DLG2: variants seen among roughly 807,000 people sequenced by gnomAD.
DLG2 encodes the protein disks large homolog 2.
Under a neutral mutation model 132.5 loss-of-function variants are expected in DLG2, and 45 were observed. The ratio of observed to expected loss-of-function variants is 0.34; its 90% confidence interval spans 0.27 to 0.44. The LOEUF is 0.44. DLG2 is among the 20% of genes least tolerant of loss of function. The pLI is 1.00. For missense variants in DLG2, 1,045 were observed against 1,196.9 expected (o/e 0.87, Z 1.87); for synonymous variants, 424 against 419.6 (o/e 1.01, Z -0.13).
Position 84,848,314 on chromosome 11 carries a change from T to G in DLG2, c.357+263347A>C, listed in dbSNP as rs542784936. Among the ~76,000 whole-genome samples the G allele has an allele frequency of 2.5e-3, 382 of 151,962 alleles. 4 individuals are homozygous for G. The highest frequency in any genetic ancestry group is 0.021 in the Admixed American group (316 of 15,258). On this transcript the variant is annotated intron_variant, in intron 6 of 27. Transcript: ENST00000376104. ...TTCAAGACTAGCCTGGACAACATAG[T>G]GAAGACCCATCTCTACTAAAAATAC...
chr11:85,139,661 T>A (rs1390703217), intron 5 of DLG2, among the ~76,000 whole-genome samples: 2 of 152,048 alleles, frequency 1.3e-5, no homozygotes, highest in Non-Finnish European at 2.9e-5. Context: ...TCTACTCATT[T>A]AGCATGAATC....
chr11:85,020,696 G>A (rs1215252281), intron 6 of DLG2: 6 of 509,192 alleles, frequency 1.2e-5, no homozygotes, highest in Non-Finnish European at 1.9e-5. Flanking sequence ...TTAATAAATG[G>A]TGCTGGGAAA....
intron 6 of DLG2, among the ~76,000 whole-genome samples, chr11:84,714,623 T>TTCTTTCTCTTTCTCTTTCTCTTTC (rs2060951352): frequency 1.1e-4 from 12 of 105,044 alleles, no homozygotes; most frequent in African/African-American, 5.1e-4. Context: ...CTCTTTCTCT[T>TTCTTTCTCTTTCTCTTTCTCTTTC]TCTCTCTCTC....
intron 5 of DLG2, among the ~76,000 whole-genome samples, chr11:85,153,026 G>A (rs897774110): frequency 6.6e-6 from 1 of 152,104 alleles, no homozygotes; most frequent in African/African-American, 2.4e-5. Flanking sequence ...CCAATTGCAT[G>A]CAACATCTAG....
intron 7 of DLG2, among the ~76,000 whole-genome samples, chr11:84,443,373 A>G (rs928434951): frequency 6.6e-6 from 1 of 152,168 alleles, no homozygotes; most frequent in African/African-American, 2.4e-5. Flanking sequence ...TTTTCAATAA[A>G]CACTCTTGTA....
chr11:85,281,081 C>A (rs2078193781), intron 4 of DLG2, among the ~76,000 whole-genome samples: 1 of 151,952 alleles, frequency 6.6e-6, no homozygotes. Flanking sequence ...TTAAGGTGAG[C>A]AGCTAGAATT....
At chr11:85,218,689 A>G (rs1595474258) in intron 4 of DLG2, among the ~76,000 whole-genome samples, 1 of 152,178 alleles carries the variant, frequency 6.6e-6, no homozygotes, top group South Asian at 2.1e-4. Context: ...CAGAGCTACC[A>G]TTTGGCCTAG....
intron 6 of DLG2, among the ~76,000 whole-genome samples, chr11:84,719,178 A>G (rs1806738125): frequency 1.3e-5 from 2 of 152,182 alleles, no homozygotes; most frequent in Admixed American, 1.3e-4. Context: ...ACCTCCTGTG[A>G]GCACTATCCA....
At chr11:83,993,353 G>A (rs931144025) in intron 11 of DLG2, among the ~76,000 whole-genome samples, 2 of 152,128 alleles carry the variant, frequency 1.3e-5, no homozygotes, top group African/African-American at 2.4e-5. Context: ...GTATGCTTTA[G>A]TTGATTGCTT....
intron 7 of DLG2, among the ~76,000 whole-genome samples, chr11:84,394,538 T>TA (rs2098804466): frequency 1.3e-5 from 2 of 152,130 alleles, no homozygotes; most frequent in South Asian, 2.1e-4. Flanking sequence ...TGCAGACTTT[T>TA]AAAAAAATCT....
intron 7 of DLG2, among the ~76,000 whole-genome samples, chr11:84,389,509 AT>A (rs2098784366): frequency 6.6e-6 from 1 of 152,132 alleles, no homozygotes; most frequent in African/African-American, 2.4e-5. Flanking sequence ...CTTAACAATA[AT>A]TTTGTTTACA....
At chr11:84,683,510 A>G (rs1227944107) in intron 6 of DLG2, among the ~76,000 whole-genome samples, 1 of 152,184 alleles carries the variant, frequency 6.6e-6, no homozygotes, top group Non-Finnish European at 1.5e-5. Context: ...TTCAGAAGAA[A>G]CAACTGCCCT....
chr11:85,404,964 G>GA (rs1486876059), intron 3 of DLG2, among the ~76,000 whole-genome samples: 1 of 151,932 alleles, frequency 6.6e-6, no homozygotes, highest in Non-Finnish European at 1.5e-5. Context: ...GGAGGTTCTA[G>GA]AAAATCCCTT....
intron 3 of DLG2, among the ~76,000 whole-genome samples, chr11:85,534,384 T>A (rs971429588): frequency 6.6e-5 from 10 of 152,048 alleles, no homozygotes; most frequent in African/African-American, 2.2e-4. Context: ...CTTATGCAGG[T>A]TTGTCACCCG....
chr11:84,320,278 G>A (rs768370797), intron 7 of DLG2, among the ~76,000 whole-genome samples: 5 of 152,118 alleles, frequency 3.3e-5, no homozygotes, highest in African/African-American at 4.8e-5. Context: ...ATCCTAGCTT[G>A]ATTTAATAAA....
chr11:83,511,700 G>A (rs1467504402), intron 21 of DLG2, among the ~76,000 whole-genome samples: 1 of 151,522 alleles, frequency 6.6e-6, no homozygotes, highest in Non-Finnish European at 1.5e-5. Context: ...TCCCTCTCTG[G>A]GAAGAGGGAA....
At chr11:84,916,229 G>T (rs912061208) in intron 6 of DLG2, among the ~76,000 whole-genome samples, 4 of 149,436 alleles carry the variant, frequency 2.7e-5, no homozygotes, top group Non-Finnish European at 6.0e-5. Context: ...GGCGCCTGTA[G>T]TCCCAGCTAC....
At chr11:85,574,589 G>A (rs562118953) in intron 3 of DLG2, among the ~76,000 whole-genome samples, 1 of 152,290 alleles carries the variant, frequency 6.6e-6, no homozygotes, top group South Asian at 2.1e-4. Flanking sequence ...CCTAGTGGAA[G>A]ATGTTTGTGT....
chr11:85,582,660 CAAAAAAAAAAAAAAAAAAAAAAAAAA>C (rs59452629), intron 3 of DLG2, among the ~76,000 whole-genome samples: 23 of 27,138 alleles, frequency 8.5e-4, no homozygotes, highest in East Asian at 4.3e-3. Context: ...CCCATCTCTA[CAAAAAAAAAAAAAAAAAAAAAAAAAA>C]AAAAAAAAAA....
Sources: allele counts gnomAD v4.1 joint callset (sites outside exome capture counted in the v4.1 genomes callset), GRCh38; gene constraint gnomAD v4.1.1; transcripts MANE v1.5; gene names NCBI Gene and HGNC (gene_info 2026-07-23, HGNC 2026-07-21).